Variants in FUT9 observed in about 807,000 individuals in gnomAD.
FUT9 encodes the protein fucosyltransferase 9.
In FUT9, 15 loss-of-function variants were observed where a neutral mutation model predicts 29.7. The observed-to-expected ratio is 0.51, with a 90% CI of 0.34 to 0.78. FUT9 has a LOEUF of 0.78. Ranked by LOEUF, FUT9 falls within the 30% of genes least tolerant of loss-of-function variation. The pLI is 0.01. For synonymous variants in FUT9, 169 were observed against 153.7 expected, an observed-to-expected ratio of 1.10 and a Z score of -0.74; for missense variants, 319 against 425.4, an observed-to-expected ratio of 0.75 and a Z score of 2.20.
At chr6:96,060,547 T>A (rs1303865324) in intron 1 of FUT9, among the ~76,000 whole-genome samples, 1 of 151,866 alleles carries the variant, frequency 6.6e-6, no homozygotes, top group Admixed American at 6.6e-5. Flanking sequence ...CTCTCTCTTT[T>A]TTTTTTTGAC....
At chr6:96,181,249 T>C (rs553241132) in intron 2 of FUT9, among the ~76,000 whole-genome samples, 1 of 152,014 alleles carries the variant, frequency 6.6e-6, no homozygotes, top group Admixed American at 6.6e-5. Flanking sequence ...TTACCTGTAG[T>C]TTAAGGATCC....
intron 2 of FUT9, among the ~76,000 whole-genome samples, chr6:96,199,490 G>T (rs935172582): frequency 6.6e-5 from 10 of 152,216 alleles, no homozygotes; most frequent in Admixed American, 5.2e-4. Flanking sequence ...ATGAAAACTG[G>T]AAACCACACA....
chr6:96,046,113 A>T (rs1770558704), intron 1 of FUT9, among the ~76,000 whole-genome samples: 1 of 151,330 alleles, frequency 6.6e-6, no homozygotes. Context: ...TAGTATTCAG[A>T]TCCCTTGATA....
intron 2 of FUT9, among the ~76,000 whole-genome samples, chr6:96,178,716 C>A (rs1773250220): frequency 6.6e-6 from 1 of 151,930 alleles, no homozygotes; most frequent in Non-Finnish European, 1.5e-5. Context: ...ATTTGATTTT[C>A]TTTTTAACTG....
chr6:96,107,110 AC>A (rs922538461), intron 1 of FUT9, among the ~76,000 whole-genome samples: 7 of 152,190 alleles, frequency 4.6e-5, no homozygotes, highest in African/African-American at 1.7e-4. Context: ...AGCTTTGCTA[AC>A]CTCTGGTCTA....
At chr6:96,016,493 C>T (rs1355355431) in intron 1 of FUT9, among the ~76,000 whole-genome samples, 1 of 152,166 alleles carries the variant, frequency 6.6e-6, no homozygotes, top group Non-Finnish European at 1.5e-5. Flanking sequence ...CAGTAGATGG[C>T]CCCGACCCTC....
chr6:96,028,458 A>G (rs1770205490), intron 1 of FUT9, among the ~76,000 whole-genome samples: 1 of 151,652 alleles, frequency 6.6e-6, no homozygotes, highest in Non-Finnish European at 1.5e-5. Flanking sequence ...TAGCTGAGAG[A>G]TTAAAGTCAA....
At chr6:96,057,427 C>A (rs1770791333) in intron 1 of FUT9, among the ~76,000 whole-genome samples, 1 of 152,148 alleles carries the variant, frequency 6.6e-6, no homozygotes, top group Non-Finnish European at 1.5e-5. Context: ...CTACATGCTT[C>A]AGACATAGGC....
chr6:96,154,007 A>G (rs900243202), intron 2 of FUT9, among the ~76,000 whole-genome samples: 1 of 152,214 alleles, frequency 6.6e-6, no homozygotes, highest in Admixed American at 6.5e-5. Flanking sequence ...TTTCTGCCAC[A>G]TTAACCTCAT....
chr6:96,158,217 T>G (rs1772826441), intron 2 of FUT9, among the ~76,000 whole-genome samples: 1 of 152,072 alleles, frequency 6.6e-6, no homozygotes, highest in Admixed American at 6.6e-5. Flanking sequence ...CATTTCTGAT[T>G]TTTATATTTT....
chr6:96,089,828 G>A (rs17722188), intron 1 of FUT9, among the ~76,000 whole-genome samples: 14,617 of 152,158 alleles, frequency 0.096, 950 homozygotes, highest in Admixed American at 0.22. Context: ...TACCCATATG[G>A]CATTGCATTA....
chr6:96,109,841 A>G (rs911637371), intron 1 of FUT9, among the ~76,000 whole-genome samples: 5 of 152,102 alleles, frequency 3.3e-5, no homozygotes, highest in African/African-American at 7.2e-5. Context: ...ACTCTTTACA[A>G]TGGCCTTTGA....
At chr6:96,082,908 T>C (rs1211530898) in intron 1 of FUT9, among the ~76,000 whole-genome samples, 1 of 152,006 alleles carries the variant, frequency 6.6e-6, no homozygotes. Flanking sequence ...TTCTAGATAC[T>C]TTATGTTCTT....
intron 1 of FUT9, among the ~76,000 whole-genome samples, chr6:96,097,265 G>T (rs918049045): frequency 6.6e-6 from 1 of 152,226 alleles, no homozygotes; most frequent in Non-Finnish European, 1.5e-5. Flanking sequence ...ACCTAATATA[G>T]TGTGGGAATC....
intron 2 of FUT9, among the ~76,000 whole-genome samples, chr6:96,130,002 G>C (rs907162901): frequency 2.6e-5 from 4 of 151,894 alleles, no homozygotes; most frequent in African/African-American, 9.7e-5. Flanking sequence ...GCTTTGGCTA[G>C]AATCAAAATT....
At chr6:96,149,672 G>A (rs1772640743) in intron 2 of FUT9, among the ~76,000 whole-genome samples, 1 of 152,074 alleles carries the variant, frequency 6.6e-6, no homozygotes, top group African/African-American at 2.4e-5. Flanking sequence ...TCAAAAGCAA[G>A]CATTTCTTTG....
chr6:96,098,679 A>G (rs916609043), intron 1 of FUT9, among the ~76,000 whole-genome samples: 2 of 152,168 alleles, frequency 1.3e-5, no homozygotes, highest in African/African-American at 4.8e-5. Context: ...GAATAATAGA[A>G]GCCAGGGACC....
chr6:96,043,107 G>GGACTGCA (rs1336573457), intron 1 of FUT9, among the ~76,000 whole-genome samples: 2 of 151,978 alleles, frequency 1.3e-5, no homozygotes, highest in Non-Finnish European at 2.9e-5. Flanking sequence ...GCTGGAGTGC[G>GGACTGCA]GTGGCGCGAT....
intron 1 of FUT9, among the ~76,000 whole-genome samples, chr6:96,111,540 AACACACACACACACACACACACACAC>A (rs66491542): frequency 3.4e-5 from 5 of 145,578 alleles, no homozygotes; most frequent in Non-Finnish European, 7.5e-5. Context: ...TGATTTGGGA[AACACACACACACACACACACACACAC>A]ACACACACAC....
Sources: gnomAD v4.1 joint callset for allele counts (sites outside exome capture counted in the v4.1 genomes callset) on GRCh38, gnomAD v4.1.1 for gene constraint, MANE v1.5 for transcripts, NCBI Gene and HGNC (gene_info 2026-07-23, HGNC 2026-07-21) for gene names.